The following IRAG1 variants were observed in gnomAD, a reference collection of about 807,000 sequenced individuals.
The protein encoded by IRAG1 is IP3R-associated cGMP kinase substrate.
IRAG1 carries 62 observed loss-of-function variants against 106.2 expected under a neutral mutation model. That is an observed-to-expected ratio of 0.58 (90% confidence interval 0.48 to 0.72). The LOEUF (loss-of-function observed/expected upper bound fraction) is 0.72. Ranked by LOEUF, IRAG1 falls within the 30% of genes least tolerant of loss-of-function variation. The probability of loss-of-function intolerance (pLI) is 0.00; values close to 1 mark genes in which losing one functional copy is unlikely to be tolerated. For missense variants in IRAG1, 1,064 were observed against 1,140.7 expected (o/e 0.93, Z 0.97); for synonymous variants, 462 against 443.9 (o/e 1.04, Z -0.51).
intron 2 of IRAG1, among the ~76,000 whole-genome samples, chr11:10,643,432 A>C (rs990019904): frequency 5.3e-5 from 8 of 152,126 alleles, no homozygotes; most frequent in African/African-American, 1.7e-4. Context: ...GCCATTGTCC[A>C]TTTATTTCTA....
intron 16 of IRAG1, chr11:10,593,911 G>A: frequency 1.7e-6 from 1 of 578,546 alleles, no homozygotes; most frequent in Admixed American, 3.0e-5. Context: ...GTAGCAATAT[G>A]AAGGCTTATG....
chr11:10,605,632 C>G (rs539835071), intron 12 of IRAG1, among the ~76,000 whole-genome samples: 5 of 152,292 alleles, frequency 3.3e-5, no homozygotes, highest in African/African-American at 1.2e-4. Context: ...CTCAGACTGT[C>G]TGATTTGAAA....
chr11:10,633,000 A>C (rs1856818226), intron 3 of IRAG1, among the ~76,000 whole-genome samples: 2 of 151,942 alleles, frequency 1.3e-5, no homozygotes, highest in Admixed American at 1.3e-4. Context: ...TGTATTAATG[A>C]GGTAAGTAAA....
intron 2 of IRAG1, among the ~76,000 whole-genome samples, chr11:10,646,334 T>A (rs906008884): frequency 6.6e-6 from 1 of 152,244 alleles, no homozygotes. Context: ...TAGTCATTCA[T>A]CCATCATATC....
intron 2 of IRAG1, among the ~76,000 whole-genome samples, chr11:10,641,588 C>G (rs1378112409): frequency 6.6e-6 from 1 of 152,188 alleles, no homozygotes. Flanking sequence ...GGCAGTTACT[C>G]AGGCCCACTG....
rs147260245 is a variant in IRAG1, at chr11:10,624,333, G to A, written c.1369-477C>T. Among the ~76,000 whole-genome samples, 374 of 152,162 alleles carry A rather than the reference G, an allele frequency of 2.5e-3. 1 individual carries two copies. The highest frequency in any genetic ancestry group is 8.2e-3 in the African/African-American group (340 of 41,490). On this transcript the variant is annotated intron_variant, in intron 9 of 20. Coordinates refer to ENST00000423302, the MANE Select transcript of IRAG1 (RefSeq NM_130385.4). ...GTGACTGCTCACTTCCAGGAGCTGC[G>A]ATTGCCCCACACACTCAGGTCATCA...
chr11:10,638,559 T>C (rs1308529404), intron 2 of IRAG1, among the ~76,000 whole-genome samples: 1 of 152,266 alleles, frequency 6.6e-6, no homozygotes, highest in East Asian at 1.9e-4. Flanking sequence ...TTATTCTGAC[T>C]GTGAAAATTT....
intron 2 of IRAG1, among the ~76,000 whole-genome samples, chr11:10,642,696 T>C (rs1036877931): frequency 9.2e-5 from 14 of 152,250 alleles, no homozygotes; most frequent in African/African-American, 2.9e-4. Context: ...AGGCTTGTTT[T>C]AAGTATTAAA....
At chr11:10,654,808 G>C (rs561355627) in intron 1 of IRAG1, among the ~76,000 whole-genome samples, 2 of 152,332 alleles carry the variant, frequency 1.3e-5, no homozygotes, top group African/African-American at 4.8e-5. Flanking sequence ...GAACAGATTA[G>C]CTGGGTGTCT....
At chr11:10,617,651 T>C (rs1855532361) in intron 10 of IRAG1, among the ~76,000 whole-genome samples, 1 of 152,198 alleles carries the variant, frequency 6.6e-6, no homozygotes, top group South Asian at 2.1e-4. Flanking sequence ...GCATTTGACA[T>C]GTCCAAACTC....
At chr11:10,678,803 T>C (rs1486891731) in intron 1 of IRAG1, among the ~76,000 whole-genome samples, 1 of 152,222 alleles carries the variant, frequency 6.6e-6, no homozygotes, top group Non-Finnish European at 1.5e-5. Flanking sequence ...GGGCAGATTC[T>C]GCCTGTACCA....
chr11:10,633,224 G>C (rs535186179), intron 3 of IRAG1, among the ~76,000 whole-genome samples: 22 of 151,856 alleles, frequency 1.4e-4, no homozygotes, highest in Non-Finnish European at 2.9e-4. Context: ...ACAGGCGCCC[G>C]CCACCACACC....
chr11:10,650,071 T>C (rs539808280), intron 2 of IRAG1, among the ~76,000 whole-genome samples: 1 of 152,354 alleles, frequency 6.6e-6, no homozygotes, highest in South Asian at 2.1e-4. Flanking sequence ...AATATTCTCA[T>C]GTTATGATTA....
At chr11:10,629,780 C>T in intron 4 of IRAG1, 69 bp from the exon 5 acceptor site, 7 of 1,504,626 alleles carry the variant, frequency 4.7e-6, no homozygotes, top group Non-Finnish European at 6.3e-6. Flanking sequence ...TCATGCCATA[C>T]CATGCCTCAT....
At chr11:10,606,873 G>A in intron 11 of IRAG1, 101 bp from the exon 12 acceptor site, 1 of 1,126,584 alleles carries the variant, frequency 8.9e-7, no homozygotes, top group East Asian at 2.7e-5. Flanking sequence ...CAGGGGTGGA[G>A]TAAGCTGTGT....
chr11:10,584,548 A>AATATATATAC (rs1851734853), intron 18 of IRAG1, among the ~76,000 whole-genome samples: 1 of 98,580 alleles, frequency 1.0e-5, no homozygotes, highest in Non-Finnish European at 2.1e-5. Flanking sequence ...TCTTTCATGA[A>AATATATATAC]ATATATATAT....
intron 2 of IRAG1, among the ~76,000 whole-genome samples, chr11:10,645,803 A>G (rs1030830290): frequency 6.6e-6 from 1 of 152,212 alleles, no homozygotes; most frequent in African/African-American, 2.4e-5. Flanking sequence ...ACTGCACATT[A>G]CTTTTCTGTG....
intron 1 of IRAG1, among the ~76,000 whole-genome samples, chr11:10,688,803 T>C (rs1169729913): frequency 6.6e-6 from 1 of 152,208 alleles, no homozygotes; most frequent in East Asian, 1.9e-4. Context: ...TATGCCTTTA[T>C]TTACTTAATA....
intron 3 of IRAG1, 71 bp from the exon 4 acceptor site, chr11:10,632,132 T>C: frequency 1.0e-6 from 1 of 981,508 alleles, no homozygotes; most frequent in Non-Finnish European, 1.6e-6. Context: ...AAGATGCCTG[T>C]ATATTCTTTT....
Sources: gnomAD v4.1 joint callset for allele counts (sites outside exome capture counted in the v4.1 genomes callset) on GRCh38, gnomAD v4.1.1 for gene constraint, MANE v1.5 for transcripts, NCBI Gene and HGNC (gene_info 2026-07-23, HGNC 2026-07-21) for gene names.